GATAD1: variants seen among roughly 807,000 people sequenced by gnomAD.
GATAD1 encodes the protein GATA zinc finger domain containing 1.
A neutral mutation model predicts 26.5 loss-of-function variants in GATAD1; 12 were observed. The ratio of observed to expected loss-of-function variants is 0.45; its 90% CI spans 0.29 to 0.73. The LOEUF (loss-of-function observed/expected upper bound fraction) is 0.73, where lower values mean the gene tolerates loss of function less well. GATAD1 is among the 30% of genes least tolerant of loss of function. GATAD1 has a pLI of 0.10. For missense variants in GATAD1, 266 were observed against 342.1 expected (o/e 0.78, Z 1.75); for synonymous variants, 129 against 133.1 (o/e 0.97, Z 0.21).
chr7:92,468,776 C>G, the GATAD1 span: 1 of 738,300 alleles, frequency 1.4e-6, no homozygotes, highest in Non-Finnish European at 2.5e-6. Context: ...TAACTGCTTC[C>G]TGCTGAATTG....
intron 3 of GATAD1, among the ~76,000 whole-genome samples, chr7:92,453,413 A>G (rs1170418913): frequency 6.6e-6 from 1 of 152,246 alleles, no homozygotes; most frequent in East Asian, 1.9e-4. Context: ...CATAGGATGG[A>G]TACCAGAGTC....
the GATAD1 span, among the ~76,000 whole-genome samples, chr7:92,473,596 C>T: frequency 6.6e-6 from 1 of 152,002 alleles, no homozygotes; most frequent in Non-Finnish European, 1.5e-5. Context: ...GCTAGAATGT[C>T]TCTCCCTAAC....
the GATAD1 span, among the ~76,000 whole-genome samples, chr7:92,467,718 A>G: frequency 6.6e-6 from 1 of 152,246 alleles, no homozygotes; most frequent in African/African-American, 2.4e-5. Context: ...GGGAAGCTGG[A>G]AGTTTAAGGA....
the GATAD1 span, among the ~76,000 whole-genome samples, chr7:92,478,160 C>T: frequency 8.9e-4 from 135 of 152,246 alleles, no homozygotes; most frequent in Admixed American, 3.8e-3. Flanking sequence ...GATTCTTAGT[C>T]GGCCTAGGAA....
At chr7:92,481,357 C>A in the GATAD1 span, among the ~76,000 whole-genome samples, 1 of 151,912 alleles carries the variant, frequency 6.6e-6, no homozygotes, top group Non-Finnish European at 1.5e-5. Context: ...GCTGAAGGAG[C>A]CGGGGAGCAG....
chr7:92,485,978 G>A, the GATAD1 span, among the ~76,000 whole-genome samples: 1 of 152,220 alleles, frequency 6.6e-6, no homozygotes, highest in African/African-American at 2.4e-5. Flanking sequence ...AAAGCCTTCA[G>A]TGCTTATACT....
At chr7:92,471,387 T>G in the GATAD1 span, 11 of 152,796 alleles carry the variant, frequency 7.2e-5, no homozygotes, top group Non-Finnish European at 1.3e-4. Flanking sequence ...AATAATGATT[T>G]GGCCATCTGA....
chr7:92,478,492 G>A, the GATAD1 span, among the ~76,000 whole-genome samples: 1 of 152,322 alleles, frequency 6.6e-6, no homozygotes, highest in South Asian at 2.1e-4. Flanking sequence ...GGCTCGTGGG[G>A]TGGCAGAGGT....
the GATAD1 span, chr7:92,491,195 G>C: frequency 3.0e-6 from 3 of 989,964 alleles, no homozygotes; most frequent in Non-Finnish European, 4.9e-6. Flanking sequence ...GGCTGGTTAG[G>C]AGAGAAATCA....
the GATAD1 span, among the ~76,000 whole-genome samples, chr7:92,484,412 G>C: frequency 1.3e-5 from 2 of 152,064 alleles, no homozygotes; most frequent in Non-Finnish European, 2.9e-5. Flanking sequence ...AGGGAATGTG[G>C]GTGAGTGACC....
rs1401967777 is a variant in GATAD1 at position 92,456,424 on chromosome 7, T to C, written c.672T>C (p.His224=). The C allele has an allele frequency of 6.2e-7, 1 of 1,613,270 alleles. No individual in the cohort carries two copies. The highest frequency in any genetic ancestry group is 8.5e-7 in the Non-Finnish European group (1 of 1,179,346). ...RKMEYLEFVC[H]APSEYFKSRS... is the part of the protein sequence containing the mutation. ...TGGAATACTTGGAATTTGTTTGTCATGCACCTTCTGAGTATTTCAAGTCAC... is the reference window on the plus strand; with the variant it reads ...TGGAATACTTGGAATTTGTTTGTCACGCACCTTCTGAGTATTTCAAGTCAC... The change falls in exon 5 of 5, where the codon CAT becomes CAC. Residue 224 remains histidine (H), a synonymous_variant. Transcript: ENST00000287957.
chr7:92,483,598 C>G, the GATAD1 span, among the ~76,000 whole-genome samples: 1 of 152,182 alleles, frequency 6.6e-6, no homozygotes, highest in African/African-American at 2.4e-5. Context: ...GCCAGATGGG[C>G]CATGAACTGG....
the GATAD1 span, chr7:92,493,339 TCAAA>T: frequency 5.7e-6 from 2 of 353,876 alleles, no homozygotes; most frequent in South Asian, 9.5e-5. Context: ...TGAATGAAAA[TCAAA>T]CACTCTTAAG....
chr7:92,479,754 T>C, the GATAD1 span, among the ~76,000 whole-genome samples: 592 of 152,200 alleles, frequency 3.9e-3, 2 homozygotes, highest in African/African-American at 0.014. Flanking sequence ...GAGATTAAGC[T>C]GAAGGAAGAT....
the GATAD1 span, chr7:92,470,676 T>C: frequency 3.7e-6 from 1 of 268,440 alleles, no homozygotes; most frequent in Non-Finnish European, 7.5e-6. Flanking sequence ...ATAGTTCTTT[T>C]CCCTCTTCTC....
At chr7:92,485,653 C>A in the GATAD1 span, among the ~76,000 whole-genome samples, 1 of 152,198 alleles carries the variant, frequency 6.6e-6, no homozygotes, top group Middle Eastern at 3.2e-3. Context: ...ACCCAGAATT[C>A]CACTGTGACT....
the GATAD1 span, among the ~76,000 whole-genome samples, chr7:92,488,895 G>A: frequency 1.3e-5 from 2 of 152,116 alleles, no homozygotes; most frequent in Non-Finnish European, 2.9e-5. Flanking sequence ...CACCACACCT[G>A]GCTAATTTTT....
chr7:92,447,737 T>A lies in GATAD1; in HGVS notation c.8T>A (p.Leu3Gln). 6.7e-7 allele frequency: 1 copy of A among 1,482,612 alleles called. No individual in the cohort carries two copies. The highest frequency in any genetic ancestry group is 9.0e-7 in the Non-Finnish European group (1 of 1,115,832). The allele number at this position is 1,482,612 out of a possible 1,614,324, so 91.8% of individuals were successfully genotyped here. Reference sequence around the variant, plus strand: ...CCGCCCGAGCCGGCCACCATGCCGCTGGGCCTGAAGCCCACCTGCAGCGTA... The same window carrying A: ...CCGCCCGAGCCGGCCACCATGCCGCAGGGCCTGAAGCCCACCTGCAGCGTA... MP[L>Q]GLKPTCSVCK... The change falls in exon 1 of 5, where the codon CTG (leucine) becomes CAG (glutamine). Residue 3 changes from leucine (L) to glutamine (Q), a missense_variant. Physicochemically the swap from Leu to Gln is moderately radical, Grantham distance 113 (BLOSUM62 -2). Coordinates refer to ENST00000287957, the MANE Select transcript of GATAD1 (RefSeq NM_021167.5).
the GATAD1 span, among the ~76,000 whole-genome samples, chr7:92,482,778 G>A: frequency 6.6e-6 from 1 of 152,130 alleles, no homozygotes; most frequent in African/African-American, 2.4e-5. Context: ...GAACTGGGCA[G>A]GTGAGGATAA....
Sources: gnomAD v4.1 joint callset for allele counts (sites outside exome capture counted in the v4.1 genomes callset) on GRCh38, gnomAD v4.1.1 for gene constraint, MANE v1.5 for transcripts, NCBI Gene and HGNC (gene_info 2026-07-23, HGNC 2026-07-21) for gene names.